The following DDAH1 variants were observed in gnomAD, a reference collection of about 807,000 sequenced individuals.
The protein encoded by DDAH1 is dimethylarginine dimethylaminohydrolase 1, also known as N(G),N(G)-dimethylarginine dimethylaminohydrolase 1.
DDAH1 carries 19 observed loss-of-function variants against 28.8 expected under a neutral mutation model. The observed-to-expected ratio is 0.66, with a 90% CI of 0.46 to 0.97. DDAH1 has a LOEUF of 0.97. DDAH1 is among the 50% of genes least tolerant of loss of function. DDAH1 has a pLI of 0.00. For missense variants in DDAH1, 326 were observed against 375.9 expected, an observed-to-expected ratio of 0.87 and a Z score of 1.10; for synonymous variants, 153 against 154.4, an observed-to-expected ratio of 0.99 and a Z score of 0.07.
intron 1 of DDAH1, among the ~76,000 whole-genome samples, chr1:85,416,252 T>C (rs985325042): frequency 1.1e-4 from 17 of 151,322 alleles, no homozygotes; most frequent in East Asian, 8.0e-4. Flanking sequence ...TGGTTTTTGT[T>C]TTTTTGGGTT....
intron 1 of DDAH1, among the ~76,000 whole-genome samples, chr1:85,397,978 C>T (rs1042539493): frequency 5.1e-5 from 7 of 138,246 alleles, no homozygotes; most frequent in Non-Finnish European, 9.3e-5. Flanking sequence ...GAGCTGTAAG[C>T]CAAATAAACC....
chr1:85,409,165 G>C (rs1366147079), intron 1 of DDAH1, among the ~76,000 whole-genome samples: 3 of 152,080 alleles, frequency 2.0e-5, no homozygotes, highest in African/African-American at 7.2e-5. Context: ...GCTATTGTTA[G>C]TCTTGGTACA....
At chr1:85,519,914 G>A (rs1484750084) in intron 1 of DDAH1, among the ~76,000 whole-genome samples, 1 of 151,988 alleles carries the variant, frequency 6.6e-6, no homozygotes, top group Non-Finnish European at 1.5e-5. Flanking sequence ...AACGGCATGG[G>A]GGAAGACTAC....
rs572027939 is a variant in DDAH1, at chr1:85,470,869, G to A, written c.-7+25297C>T. Among the ~76,000 whole-genome samples, 9 of 152,286 alleles carry A rather than the reference G, an allele frequency of 5.9e-5. 1 individual carries two copies. Among genetic ancestry groups the A allele is most frequent in the Admixed American group, 5.9e-4 (9 of 15,302 alleles). Reference sequence around the variant, plus strand: ...AAGAAACATTTACTAAGCATCTACAGTATGTATGGTAGAGGAATACATAAA... The same window carrying A: ...AAGAAACATTTACTAAGCATCTACAATATGTATGGTAGAGGAATACATAAA... On this transcript the variant is annotated intron_variant, in intron 2 of 6. Coordinates refer to the DDAH1 transcript ENST00000426972.
chr1:85,568,401 T>C (rs576776654), intron 1 of DDAH1, among the ~76,000 whole-genome samples: 1 of 152,230 alleles, frequency 6.6e-6, no homozygotes, highest in Non-Finnish European at 1.5e-5. Context: ...GCACTGTCAT[T>C]TTACCCAATA....
chr1:85,504,821 G>A (rs1208044686), intron 1 of DDAH1, among the ~76,000 whole-genome samples: 2 of 152,062 alleles, frequency 1.3e-5, no homozygotes, highest in African/African-American at 2.4e-5. Flanking sequence ...AGGGTTGCCT[G>A]ATAATAAGAA....
chr1:85,364,150 G>A (rs147684140), intron 1 of DDAH1, among the ~76,000 whole-genome samples: 625 of 152,216 alleles, frequency 4.1e-3, no homozygotes, highest in African/African-American at 0.014. Context: ...GCCGAGTCAA[G>A]CCTCCGGAGC....
At chr1:85,337,612 A>C (rs1648221539) in intron 4 of DDAH1, among the ~76,000 whole-genome samples, 2 of 151,876 alleles carry the variant, frequency 1.3e-5, no homozygotes, top group Admixed American at 6.6e-5. Flanking sequence ...CACCACCATG[A>C]CCAGCTAATT....
chr1:85,328,202 A>G (rs1239722803), intron 4 of DDAH1, among the ~76,000 whole-genome samples: 1 of 152,234 alleles, frequency 6.6e-6, no homozygotes, highest in African/African-American at 2.4e-5. Context: ...TGGATGACAA[A>G]GTAAGACAAC....
At chr1:85,557,613 A>G (rs1399582822) in intron 1 of DDAH1, among the ~76,000 whole-genome samples, 3 of 152,184 alleles carry the variant, frequency 2.0e-5, no homozygotes, top group African/African-American at 7.2e-5. Flanking sequence ...AACCGAACTT[A>G]GTGTTATGGG....
intron 1 of DDAH1, among the ~76,000 whole-genome samples, chr1:85,516,237 A>C (rs1344369970): frequency 6.6e-6 from 1 of 152,106 alleles, no homozygotes; most frequent in South Asian, 2.1e-4. Flanking sequence ...GATAGAAAAA[A>C]GCTATGTGAT....
chr1:85,466,180 A>G (rs193169731), upstream of DDAH1, among the ~76,000 whole-genome samples: 5 of 152,316 alleles, frequency 3.3e-5, no homozygotes, highest in East Asian at 9.6e-4. Context: ...CTCCCCTCCC[A>G]CAAGGGTGGT....
chr1:85,350,724 T>A (rs1284671977), intron 3 of DDAH1, among the ~76,000 whole-genome samples, 190 bp from the exon 4 acceptor site: 2 of 152,116 alleles, frequency 1.3e-5, no homozygotes, highest in Non-Finnish European at 2.9e-5. Context: ...GACAGTAGAG[T>A]CACCAGATGT....
chr1:85,366,263 T>C (rs1650070880), intron 1 of DDAH1, among the ~76,000 whole-genome samples: 1 of 152,220 alleles, frequency 6.6e-6, no homozygotes, highest in South Asian at 2.1e-4. Flanking sequence ...TTTTATCAAA[T>C]GGTCAATACG....
At chr1:85,449,848 GT>G (rs1654587609) in intron 1 of DDAH1, among the ~76,000 whole-genome samples, 1 of 152,088 alleles carries the variant, frequency 6.6e-6, no homozygotes, top group African/African-American at 2.4e-5. Flanking sequence ...GGAGAGAGAG[GT>G]AGACTACAGG....
At chr1:85,366,431 T>C (rs233049) in intron 1 of DDAH1, among the ~76,000 whole-genome samples, 1,646 of 152,288 alleles carry the variant, frequency 0.011, 30 homozygotes, top group African/African-American at 0.038. Flanking sequence ...CATATGGGTT[T>C]ATTTCTAGTG....
chr1:85,342,323 T>C (rs1648545161), intron 4 of DDAH1, among the ~76,000 whole-genome samples: 2 of 152,164 alleles, frequency 1.3e-5, no homozygotes, highest in Admixed American at 1.3e-4. Context: ...TTTAACTTTT[T>C]TCCCCCTTTT....
intron 1 of DDAH1, among the ~76,000 whole-genome samples, chr1:85,404,843 C>T (rs1570495836): frequency 6.6e-6 from 1 of 152,174 alleles, no homozygotes; most frequent in South Asian, 2.1e-4. Flanking sequence ...TTCTCACTGA[C>T]CCATCACTGC....
chr1:85,442,091 C>G (rs1654224453), intron 1 of DDAH1, among the ~76,000 whole-genome samples: 1 of 151,904 alleles, frequency 6.6e-6, no homozygotes, highest in African/African-American at 2.4e-5. Flanking sequence ...AGGTTTGTTA[C>G]ATATGTATAC....
Sources: allele counts gnomAD v4.1 joint callset (sites outside exome capture counted in the v4.1 genomes callset), GRCh38; gene constraint gnomAD v4.1.1; transcripts MANE v1.5; gene names NCBI Gene and HGNC (gene_info 2026-07-23, HGNC 2026-07-21).